The following SLC22A2 variants were observed in gnomAD, a reference collection of about 807,000 sequenced individuals.
SLC22A2 encodes the protein solute carrier family 22 member 2, also known as organic cation transporter 2.
In SLC22A2, 46 loss-of-function variants were observed where a neutral mutation model predicts 60.5. The observed-to-expected ratio is 0.76, with a 90% CI of 0.60 to 0.97. SLC22A2 has a LOEUF of 0.97. SLC22A2 is among the 50% of genes least tolerant of loss of function. SLC22A2 has a pLI of 0.00. For synonymous variants in SLC22A2, 303 were observed against 267.0 expected (o/e 1.13, Z -1.31); for missense variants, 701 against 706.6 (o/e 0.99, Z 0.09).
chr6:160,251,994 G>C (rs1013882301), intron 2 of SLC22A2, among the ~76,000 whole-genome samples: 1 of 151,926 alleles, frequency 6.6e-6, no homozygotes, highest in South Asian at 2.1e-4. Context: ...TTTAGTTCTG[G>C]GGTACATGTG....
rs568957010 is a variant in SLC22A2 at position 160,243,574 on chromosome 6, C to T, written c.1277G>A (p.Gly426Asp). 9 of 1,611,362 alleles carry T rather than the reference C, an allele frequency of 5.6e-6. No individual in the cohort carries two copies. In the South Asian group the frequency reaches 8.8e-5, roughly 16 times the overall value. Residue 426 changes from glycine (G) to aspartate (D), a missense_variant and splice_region_variant, in exon 7 of 11, where the codon GGT becomes GAT. Coordinates refer to ENST00000366953, the MANE Select transcript of SLC22A2 (RefSeq NM_003058.4). ...CTCCAACTTCACCTGAAACTTACCA[C>T]CAGGTATAAAAACTGAGGCCAGACA... The part of the protein sequence containing the change: ...AACLASVFIP[G>D]DLQWLKIIIS...
At chr6:160,234,123 A>AC (rs1782872292) in intron 9 of SLC22A2, among the ~76,000 whole-genome samples, 1 of 149,856 alleles carries the variant, frequency 6.7e-6, no homozygotes, top group South Asian at 2.1e-4. Context: ...GCACATTGTG[A>AC]CCCCCGCCCC....
At chr6:160,251,038 G>C (rs1783177740) in intron 2 of SLC22A2, among the ~76,000 whole-genome samples, 1 of 152,162 alleles carries the variant, frequency 6.6e-6, no homozygotes, top group South Asian at 2.1e-4. Context: ...TCCTAACTAG[G>C]TCTTACATCA....
chr6:160,258,385 C>T lies in SLC22A2; in HGVS notation c.373G>A (p.Gly125Ser), dbSNP rs773971925. 4.3e-6 allele frequency: 7 copies of T among 1,613,632 alleles called. No individual in the cohort carries two copies. The highest frequency in any genetic ancestry group is 5.1e-6 in the Non-Finnish European group (6 of 1,179,844). Reference protein sequence around the residue: ...SRLPLGPCRDGWVYETPGSSI... With the variant: ...SRLPLGPCRDSWVYETPGSSI... Reference sequence around the variant, plus strand: ...GAGCCAGGCGTCTCGTACACCCAGCCGTCCCGGCAGGGGCCCAGTGGCAGG... The same window carrying T: ...GAGCCAGGCGTCTCGTACACCCAGCTGTCCCGGCAGGGGCCCAGTGGCAGG... The change falls in exon 1 of 11, where the codon GGC becomes AGC. Residue 125 changes from glycine (G) to serine (S), a missense_variant. By Grantham distance (56) the Gly-to-Ser change is moderately conservative. Transcript: ENST00000366953.
chr6:160,228,873 C>G (rs1782771178), intron 9 of SLC22A2, among the ~76,000 whole-genome samples: 1 of 151,620 alleles, frequency 6.6e-6, no homozygotes, highest in East Asian at 1.9e-4. Context: ...CACCAGAGAA[C>G]AACCCCCTTT....
intron 9 of SLC22A2, among the ~76,000 whole-genome samples, chr6:160,234,821 C>A (rs1782885432): frequency 6.6e-6 from 1 of 152,244 alleles, no homozygotes; most frequent in South Asian, 2.1e-4. Flanking sequence ...ATAGCTAAGG[C>A]TTCACCATTT....
chr6:160,252,036 G>A (rs1306594026), intron 2 of SLC22A2, among the ~76,000 whole-genome samples: 1 of 152,146 alleles, frequency 6.6e-6, no homozygotes, highest in African/African-American at 2.4e-5. Context: ...ATAGGGAAAT[G>A]TGTGCCATTG....
chr6:160,229,373 C>T (rs1030070414), intron 9 of SLC22A2, among the ~76,000 whole-genome samples: 1 of 151,978 alleles, frequency 6.6e-6, no homozygotes, highest in African/African-American at 2.4e-5. Flanking sequence ...GCTCCAGCAC[C>T]AGTCACGGAC....
intron 9 of SLC22A2, 53 bp from the exon 10 acceptor site, chr6:160,224,857 A>G (rs1782698828): frequency 9.6e-7 from 1 of 1,038,802 alleles, no homozygotes; most frequent in Non-Finnish European, 1.4e-6. Flanking sequence ...CTCAAGGTCT[A>G]TAATTAGAGT....
intron 10 of SLC22A2, among the ~76,000 whole-genome samples, chr6:160,223,248 T>C (rs1268687776): frequency 6.6e-6 from 1 of 152,202 alleles, no homozygotes; most frequent in Non-Finnish European, 1.5e-5. Context: ...AATGTACTGT[T>C]TGAATGGGTT....
At chr6:160,250,328 A>G (rs1783161716) in intron 3 of SLC22A2, among the ~76,000 whole-genome samples, 1 of 152,216 alleles carries the variant, frequency 6.6e-6, no homozygotes, top group Non-Finnish European at 1.5e-5. Flanking sequence ...TCTGGGTGGC[A>G]TTATGTTTAC....
intron 9 of SLC22A2, among the ~76,000 whole-genome samples, chr6:160,228,088 T>G (rs1420919270): frequency 6.6e-6 from 1 of 152,264 alleles, no homozygotes; most frequent in African/African-American, 2.4e-5. Flanking sequence ...TAGCCATTCT[T>G]TATTCCTTGA....
At chr6:160,247,649 G>A (rs1382876357) in intron 4 of SLC22A2, among the ~76,000 whole-genome samples, 1 of 152,216 alleles carries the variant, frequency 6.6e-6, no homozygotes, top group Non-Finnish European at 1.5e-5. Context: ...AACCATTGTG[G>A]GGGTGGGGAG....
intron 9 of SLC22A2, among the ~76,000 whole-genome samples, chr6:160,238,554 C>G (rs967317965): frequency 6.6e-6 from 1 of 152,168 alleles, no homozygotes; most frequent in Non-Finnish European, 1.5e-5. Flanking sequence ...CCAGGATTTT[C>G]CAGTGTGTTG....
chr6:160,238,032 T>A (rs1421997696), intron 9 of SLC22A2, among the ~76,000 whole-genome samples: 1 of 152,252 alleles, frequency 6.6e-6, no homozygotes, highest in Non-Finnish European at 1.5e-5. Context: ...AATTAAGAAA[T>A]AACCATAAAA....
intron 9 of SLC22A2, among the ~76,000 whole-genome samples, chr6:160,230,695 C>T (rs1782807480): frequency 6.6e-6 from 1 of 151,980 alleles, no homozygotes; most frequent in Non-Finnish European, 1.5e-5. Context: ...CTCCAGCACA[C>T]AAGAACTCCA....
intron 2 of SLC22A2, among the ~76,000 whole-genome samples, chr6:160,251,401 T>C (rs984423728): frequency 1.3e-5 from 2 of 152,222 alleles, no homozygotes; most frequent in African/African-American, 4.8e-5. Flanking sequence ...TTGGGCAACC[T>C]ATTCAACCAT....
intron 5 of SLC22A2, among the ~76,000 whole-genome samples, chr6:160,246,746 C>CA (rs113648719): frequency 7.2e-4 from 104 of 144,464 alleles, no homozygotes; most frequent in African/African-American, 1.4e-3. Flanking sequence ...GACTCCATCT[C>CA]AAAAAAAAAA....
At chr6:160,252,457 C>G (rs1171741386) in intron 2 of SLC22A2, among the ~76,000 whole-genome samples, 1 of 152,186 alleles carries the variant, frequency 6.6e-6, no homozygotes, top group Non-Finnish European at 1.5e-5. Flanking sequence ...GGAAGCAATG[C>G]TACTTAAAAG....
Sources: gnomAD v4.1 joint callset for allele counts (sites outside exome capture counted in the v4.1 genomes callset) on GRCh38, gnomAD v4.1.1 for gene constraint, MANE v1.5 for transcripts, NCBI Gene and HGNC (gene_info 2026-07-23, HGNC 2026-07-21) for gene names.